FRMD4B: variants seen among roughly 807,000 people sequenced by gnomAD.
FRMD4B encodes the protein FERM domain containing 4B.
FRMD4B carries 74 observed loss-of-function variants against 141.5 expected under a neutral mutation model. The observed-to-expected ratio is 0.52, with a 90% CI of 0.43 to 0.63. The LOEUF is 0.63. Ranked by LOEUF, FRMD4B falls within the 30% of genes least tolerant of loss-of-function variation. FRMD4B has a pLI of 0.00. For synonymous variants in FRMD4B, 506 were observed against 467.9 expected, an observed-to-expected ratio of 1.08 and a Z score of -1.05; for missense variants, 1,366 against 1,253.4, an observed-to-expected ratio of 1.09 and a Z score of -1.36.
At chr3:69,270,166 T>C (rs535975348) in intron 5 of FRMD4B, among the ~76,000 whole-genome samples, 36 of 152,292 alleles carry the variant, frequency 2.4e-4, no homozygotes, top group Non-Finnish European at 4.4e-5. Context: ...CAGGTGCATG[T>C]CACCAAACCC....
intron 1 of FRMD4B, among the ~76,000 whole-genome samples, chr3:69,476,616 A>G (rs1706004886): frequency 6.6e-6 from 1 of 152,146 alleles, no homozygotes; most frequent in African/African-American, 2.4e-5. Flanking sequence ...GCCTTGTAGT[A>G]TAGTTTGAAG....
intron 1 of FRMD4B, among the ~76,000 whole-genome samples, chr3:69,494,787 G>T (rs2107036811): frequency 6.6e-6 from 1 of 152,216 alleles, no homozygotes; most frequent in Non-Finnish European, 1.5e-5. Flanking sequence ...AGCTACTTGG[G>T]AGGCTGAGGC....
chr3:69,460,346 T>G (rs1352070232), intron 1 of FRMD4B, among the ~76,000 whole-genome samples: 2 of 152,076 alleles, frequency 1.3e-5, no homozygotes, highest in Non-Finnish European at 2.9e-5. Flanking sequence ...TAACAGAAGG[T>G]AGTAGCATCT....
intron 1 of FRMD4B, among the ~76,000 whole-genome samples, chr3:69,471,273 T>C (rs1705886578): frequency 6.6e-6 from 1 of 152,190 alleles, no homozygotes; most frequent in Non-Finnish European, 1.5e-5. Context: ...AAAAGTGTTT[T>C]AACTTCTTCA....
chr3:69,456,540 TCA>T (rs762411271), intron 1 of FRMD4B, among the ~76,000 whole-genome samples: 31 of 152,228 alleles, frequency 2.0e-4, no homozygotes, highest in Non-Finnish European at 4.3e-4. Context: ...TTTTTCTCCA[TCA>T]CAGCCCCCTC....
chr3:69,351,045 C>A (rs186223985), intron 1 of FRMD4B, among the ~76,000 whole-genome samples: 2 of 151,784 alleles, frequency 1.3e-5, no homozygotes, highest in Non-Finnish European at 2.9e-5. Context: ...GTGTGCATAC[C>A]TTTACAGCCT....
chr3:69,311,009 G>A (rs911274157), intron 3 of FRMD4B, among the ~76,000 whole-genome samples: 6 of 152,052 alleles, frequency 3.9e-5, no homozygotes, highest in Non-Finnish European at 8.8e-5. Flanking sequence ...CACTGTAATC[G>A]GGAATAACAA....
intron 2 of FRMD4B, 125 bp downstream of exon 2, chr3:69,313,327 A>G: frequency 4.1e-6 from 3 of 727,252 alleles, no homozygotes; most frequent in South Asian, 3.0e-5. Flanking sequence ...TGAGGCAAAG[A>G]TAACAGAGAA....
At chr3:69,202,248 A>G (rs2092975428) in intron 11 of FRMD4B, among the ~76,000 whole-genome samples, 1 of 152,108 alleles carries the variant, frequency 6.6e-6, no homozygotes, top group East Asian at 1.9e-4. Context: ...AATGGTCTGT[A>G]TTTGAGGAAA....
chr3:69,381,786 C>A (rs777664203), intron 1 of FRMD4B, among the ~76,000 whole-genome samples: 20 of 152,084 alleles, frequency 1.3e-4, no homozygotes, highest in Non-Finnish European at 2.8e-4. Context: ...ATGTAAAGAG[C>A]ACTAGATTTG....
rs1704246697 is a variant in FRMD4B, at chr3:69,386,076, G to T, written c.-87C>A. 2 of 1,223,522 alleles carry T rather than the reference G, an allele frequency of 1.6e-6. No homozygotes were observed. Among genetic ancestry groups the T allele is most frequent in the South Asian group, 1.9e-5 (1 of 53,996 alleles). 75.8% of individuals were successfully genotyped at this position (1,223,522 alleles called of 1,614,324 possible). A position where few individuals can be genotyped will look rare whatever the true frequency, so the allele number is the denominator to read the frequency against. Reference sequence around the variant, plus strand: ...CGGCCTGCCCGCCTGGGCTCCCGACGCCGGCTTCTGCTGGCAGCCGGGGGG... The same window carrying T: ...CGGCCTGCCCGCCTGGGCTCCCGACTCCGGCTTCTGCTGGCAGCCGGGGGG... On this transcript the variant is annotated 5_prime_UTR_variant, in exon 1 of 23. Transcript: ENST00000398540.
intron 1 of FRMD4B, among the ~76,000 whole-genome samples, chr3:69,525,552 A>G (rs1700919218): frequency 3.9e-5 from 6 of 152,244 alleles, no homozygotes; most frequent in African/African-American, 1.4e-4. Flanking sequence ...GGCCCAGGCT[A>G]AGCCCTCAAA....
intron 2 of FRMD4B, among the ~76,000 whole-genome samples, chr3:69,429,448 T>A (rs976174886): frequency 6.6e-6 from 1 of 152,144 alleles, no homozygotes; most frequent in African/African-American, 2.4e-5. Flanking sequence ...TCCTTGCCAG[T>A]CTCATAGGTG....
At chr3:69,416,016 G>A (rs868292032) in intron 2 of FRMD4B, among the ~76,000 whole-genome samples, 4 of 152,178 alleles carry the variant, frequency 2.6e-5, no homozygotes, top group Admixed American at 1.3e-4. Context: ...TGTCCTCTGA[G>A]TTAGAAAGAT....
In FRMD4B at chr3:69,193,699, AT is replaced by A; in HGVS notation, c.1662del (p.Glu554AspfsTer21). On this transcript the variant is annotated frameshift_variant, in exon 17 of 23. Coordinates refer to ENST00000398540, the MANE Select transcript of FRMD4B (RefSeq NM_015123.3). LOFTEE classifies it high-confidence loss of function. Reference sequence around the variant, plus strand: ...GGTTTCTTTCCACACCTAATTCGGTATTCGTTTATTGCATTTTCAATCTCCT... The same window carrying A: ...GGTTTCTTTCCACACCTAATTCGGTATCGTTTATTGCATTTTCAATCTCCT... ...KLQEIENAIN[E>X]YRIRCGKKPS... The A allele has an allele frequency of 6.2e-7, 1 of 1,613,316 alleles. No individual in the cohort carries two copies. The highest frequency in any genetic ancestry group is 8.5e-7 in the Non-Finnish European group (1 of 1,179,562).
At chr3:69,293,192 C>T (rs1196585277) in intron 4 of FRMD4B, 2 of 267,298 alleles carry the variant, frequency 7.5e-6, no homozygotes, top group South Asian at 6.7e-5. Flanking sequence ...TCAAAGAGCA[C>T]AACACCCAGT....
At chr3:69,475,002 T>C (rs1291347379) in intron 1 of FRMD4B, among the ~76,000 whole-genome samples, 1 of 152,098 alleles carries the variant, frequency 6.6e-6, no homozygotes, top group Non-Finnish European at 1.5e-5. Context: ...AAAAAGGAAA[T>C]GTCTTGCTGT....
rs78327349 is a variant in FRMD4B, at chr3:69,196,978, A to G, written c.1014T>C (p.Ala338=). ...QSGLFVQTWY[A]NSSLIKSIWV... Reference sequence around the variant, plus strand: ...AAATGGACTTGATGAGAGAAGAGTTAGCATACCATGTTTGCACAAACAAGC... The same window carrying G: ...AAATGGACTTGATGAGAGAAGAGTTGGCATACCATGTTTGCACAAACAAGC... Residue 338 remains alanine, a synonymous_variant, in exon 13 of 23, where the codon GCT becomes GCC. Coordinates refer to ENST00000398540, the MANE Select transcript of FRMD4B (RefSeq NM_015123.3). 15,417 of 1,604,944 alleles carry G rather than the reference A, an allele frequency of 9.6e-3. 430 individuals are homozygous for G. In the African/African-American group the frequency reaches 0.1, roughly 10 times the overall value.
At chr3:69,354,787 A>T (rs1036019117) in intron 1 of FRMD4B, among the ~76,000 whole-genome samples, 5 of 152,154 alleles carry the variant, frequency 3.3e-5, no homozygotes, top group African/African-American at 1.2e-4. Flanking sequence ...AATTACTATG[A>T]CCACAATATA....
Sources: gnomAD v4.1 joint callset for allele counts (sites outside exome capture counted in the v4.1 genomes callset) on GRCh38, gnomAD v4.1.1 for gene constraint, MANE v1.5 for transcripts, NCBI Gene and HGNC (gene_info 2026-07-23, HGNC 2026-07-21) for gene names.